The following PLEKHG6 variants were observed in gnomAD, a reference collection of about 807,000 sequenced individuals.
PLEKHG6 encodes the protein pleckstrin homology domain-containing family G member 6.
A neutral mutation model predicts 97.5 loss-of-function variants in PLEKHG6; 91 were observed. That is an observed-to-expected ratio of 0.93 (90% CI 0.79 to 1.11). PLEKHG6 has a LOEUF of 1.11. PLEKHG6 is among the 50% of genes most tolerant of loss of function. The pLI, the probability that PLEKHG6 is intolerant of heterozygous loss-of-function variation, is 0.00. For synonymous variants in PLEKHG6, 466 were observed against 425.5 expected (o/e 1.10, Z -1.17); for missense variants, 1,044 against 1,031.0 (o/e 1.01, Z -0.17).
chr12:6,328,286 C>A lies in PLEKHG6; in HGVS notation c.*141C>A. On this transcript the variant is annotated 3_prime_UTR_variant, in exon 16 of 16. Transcript: ENST00000684764. ...CCTGGCCCAGGCACCCTGCCTCCTG[C>A]TCTGTTTGGGGATCAAGAACTGTAA... The A allele has an allele frequency of 1.3e-6, 1 of 770,346 alleles. No individual in the cohort carries two copies. Among genetic ancestry groups the A allele is most frequent in the Admixed American group, 2.2e-5 (1 of 46,088 alleles). The allele number at this position is 770,346 out of a possible 1,614,324, so 47.7% of individuals were successfully genotyped here.
intron 13 of PLEKHG6, among the ~76,000 whole-genome samples, chr12:6,321,312 G>A (rs1163530999): frequency 6.6e-6 from 1 of 151,918 alleles, no homozygotes; most frequent in African/African-American, 2.4e-5. Context: ...GTGAGCCACC[G>A]TGCATAGCCC....
chr12:6,317,687 G>A lies in PLEKHG6; in HGVS notation c.1008G>A (p.Leu336=). 2 of 1,613,488 alleles carry A rather than the reference G, an allele frequency of 1.2e-6. No homozygotes were observed. Among genetic ancestry groups the A allele is most frequent in the Non-Finnish European group, 1.7e-6 (2 of 1,179,986 alleles). ...CCGAGGCACGAGCCCAAGAGGCCCT[G>A]AATGCCATGGTAGGTGCCCCAGTGG... ...RSPEARAQEA[L]NAMIEAVESF... Residue 336 remains leucine (L), a synonymous_variant, in exon 9 of 16, where the codon CTG becomes CTA. Transcript: ENST00000684764.
intron 13 of PLEKHG6, among the ~76,000 whole-genome samples, chr12:6,322,381 G>A (rs57152808): frequency 0.052 from 7,992 of 152,256 alleles, 664 homozygotes; most frequent in African/African-American, 0.17. Context: ...TCAAGTGAAA[G>A]AGGAGGACAA....
chr12:6,319,060 C>T lies in PLEKHG6; in HGVS notation c.1476C>T (p.Pro492=), dbSNP rs1246961029. Residue 492 remains proline, a synonymous_variant, in exon 13 of 16, where the codon CCC becomes CCT. Transcript: ENST00000684764. The part of the protein sequence containing the change: ...CVSSALLVHC[P]SPTDRAQWLE... ...CCAGCGCCCTCCTTGTGCACTGTCC[C>T]AGTCCTACAGACCGTGCCCAGTGGC... 6.2e-7 allele frequency: 1 copy of T among 1,613,104 alleles called. No individual in the cohort carries two copies. Among genetic ancestry groups the T allele is most frequent in the Admixed American group, 1.7e-5 (1 of 59,966 alleles).
At chr12:6,326,869 G>A (rs986822759) in intron 14 of PLEKHG6, among the ~76,000 whole-genome samples, 3 of 151,694 alleles carry the variant, frequency 2.0e-5, no homozygotes, top group African/African-American at 7.3e-5. Flanking sequence ...TGGATCTGCA[G>A]AATATTAGAG....
At chr12:6,313,371 G>A (rs1947339967) in intron 2 of PLEKHG6, among the ~76,000 whole-genome samples, 1 of 152,186 alleles carries the variant, frequency 6.6e-6, no homozygotes, top group Non-Finnish European at 1.5e-5. Flanking sequence ...TCGGCAGGAG[G>A]CCCCACTTCT....
rs4149588 is a variant in PLEKHG6, at chr12:6,328,485, C to CA, written c.*349dup. On this transcript the variant is annotated 3_prime_UTR_variant, in exon 16 of 16. Coordinates refer to ENST00000684764, the MANE Select transcript of PLEKHG6 (RefSeq NM_001384598.1). ...GCAATATAGGGAAACCCTGTCTTTA[C>CA]AAAAAAAAATTTTAAAAATTACCCA... The CA allele has an allele frequency of 0.23, 49,556 of 218,200 alleles. 6,111 individuals are homozygous for CA. Among genetic ancestry groups the CA allele is most frequent in the Middle Eastern group, 0.28 (166 of 592 alleles). 13.5% of individuals were successfully genotyped at this position (218,200 alleles called of 1,614,324 possible).
At chr12:6,317,093 C>T (rs1176772230) in intron 7 of PLEKHG6, among the ~76,000 whole-genome samples, 3 of 152,208 alleles carry the variant, frequency 2.0e-5, no homozygotes, top group African/African-American at 4.8e-5. Context: ...GGGTCAGTGT[C>T]GGGACCTCAG....
chr12:6,312,891 C>CAGG lies in PLEKHG6; in HGVS notation c.138+527_138+528insAGG. On this transcript the variant is annotated intron_variant, in intron 2 of 15. Transcript: ENST00000684764. ...GAGGGGTGTGGAAGCCAGGTCTGTC[C>CAGG]CTCAGCCTGCAGGTTTCCCCTCCAC... is the stretch of plus-strand genomic sequence containing the variant. 2.9e-6 allele frequency: 4 copies of CAGG among 1,363,762 alleles called. No homozygotes were observed. In the South Asian group the frequency reaches 6.5e-5, roughly 22 times the overall value. 84.5% of individuals were successfully genotyped at this position (1,363,762 alleles called of 1,614,324 possible).
chr12:6,312,895 A>AGG lies in PLEKHG6; in HGVS notation c.138+532_138+533insGG. The AGG allele has an allele frequency of 2.9e-6, 4 of 1,365,580 alleles. No individual in the cohort carries two copies. The South Asian group carries it at 6.5e-5, about 22-fold the overall frequency. The allele number at this position is 1,365,580 out of a possible 1,614,324, so 84.6% of individuals were successfully genotyped here. A position where few individuals can be genotyped will look rare whatever the true frequency, so the allele number is the denominator to read the frequency against. ...GGTGTGGAAGCCAGGTCTGTCCCTC[A>AGG]GCCTGCAGGTTTCCCCTCCACCTTG... On this transcript the variant is annotated intron_variant, in intron 2 of 15. Coordinates refer to ENST00000684764, the MANE Select transcript of PLEKHG6 (RefSeq NM_001384598.1).
Position 6,316,119 on chromosome 12 carries a change from C to G in PLEKHG6, c.607-136C>G. 1.0e-6 allele frequency: 1 copy of G among 959,384 alleles called. No individual in the cohort carries two copies. The highest frequency in any genetic ancestry group is 1.5e-6 in the Non-Finnish European group (1 of 656,404). The allele number at this position is 959,384 out of a possible 1,614,324, so 59.4% of individuals were successfully genotyped here. A position where few individuals can be genotyped will look rare whatever the true frequency, so the allele number is the denominator to read the frequency against. On this transcript the variant is annotated intron_variant, in intron 6 of 15. Coordinates refer to ENST00000684764, the MANE Select transcript of PLEKHG6 (RefSeq NM_001384598.1). This position sits in a 1 kb window ranked among gnomAD's most constrained non-coding sequence, Gnocchi z 4.1. ...CTCAGACTGACATCCTTGAGATCTT[C>G]CAGGCCCAGTGCCCAGTTCATCCTT...
chr12:6,321,826 TAAAAA>T lies in PLEKHG6; in HGVS notation c.1524+2730_1524+2734del, dbSNP rs57346521. On this transcript the variant is annotated intron_variant, in intron 13 of 15. Transcript: ENST00000684764. ...TGGGCGACAGAGCGAGACTCTGTCT[TAAAAA>T]AAAAAAAAAAAGAAGAGGGAAGAGA... Among the ~76,000 whole-genome samples, 60 of 97,384 alleles carry T rather than the reference TAAAAA, an allele frequency of 6.2e-4. 1 individual carries two copies. The highest frequency in any genetic ancestry group is 2.6e-3 in the African/African-American group (57 of 21,636). 63.9% of individuals were successfully genotyped at this position (97,384 alleles called of 152,430 possible). A position where few individuals can be genotyped will look rare whatever the true frequency, so the allele number is the denominator to read the frequency against.
At chr12:6,311,572 AC>A (rs1257842274) in intron 1 of PLEKHG6, among the ~76,000 whole-genome samples, 2 of 152,228 alleles carry the variant, frequency 1.3e-5, no homozygotes, top group Non-Finnish European at 2.9e-5. Context: ...GTGTTTATGG[AC>A]ACTGAATTTG....
At position 6,327,608 on chromosome 12, in the gene PLEKHG6, C is replaced by T. The variant is rs547921476; in HGVS notation, c.2025C>T (p.Ser675=). The change falls in exon 15 of 16, where the codon TCC becomes TCT. Residue 675 remains serine, a synonymous_variant. Transcript: ENST00000684764. ...GGTCTGAGGAAGAAGATGGGGCCTC[C>T]GAGCGAGGGAATGTGGTGGTGGAAA... ...PTWSEEEDGA[S]ERGNVVVETL... is the part of the protein sequence containing the mutation. 4.5e-5 allele frequency: 71 copies of T among 1,580,288 alleles called. No individual in the cohort carries two copies. Among genetic ancestry groups the T allele is most frequent in the South Asian group, 4.1e-4 (36 of 87,142 alleles).
intron 13 of PLEKHG6, among the ~76,000 whole-genome samples, chr12:6,326,042 T>C (rs895004645): frequency 2.0e-5 from 3 of 152,110 alleles, no homozygotes; most frequent in Non-Finnish European, 2.9e-5. Flanking sequence ...CACGGTGGCT[T>C]ACACGTCTAA....
In PLEKHG6 at chr12:6,313,699, C is replaced by T. The variant is rs1408602923; in HGVS notation, c.209C>T (p.Ser70Leu). The T allele has an allele frequency of 1.2e-6, 2 of 1,613,496 alleles. No homozygotes were observed. The highest frequency in any genetic ancestry group is 1.7e-6 in the Non-Finnish European group (2 of 1,179,840). Reference sequence around the variant, plus strand: ...GGTTCTGGCCAGGCCCGAGGCCTGTCACCCATGAGACTGCGAGATCCAGAG... The same window carrying T: ...GGTTCTGGCCAGGCCCGAGGCCTGTTACCCATGAGACTGCGAGATCCAGAG... ...ARGSGQARGL[S>L]PMRLRDPEPE... Residue 70 changes from serine to leucine, a missense_variant, in exon 3 of 16, where the codon TCA becomes TTA. Physicochemically the swap from Ser to Leu is moderately radical, Grantham distance 145. Coordinates refer to ENST00000684764, the MANE Select transcript of PLEKHG6 (RefSeq NM_001384598.1).
chr12:6,312,854 C>T, intron 2 of PLEKHG6: 2 of 1,308,364 alleles, frequency 1.5e-6, no homozygotes, highest in African/African-American at 1.5e-5. Context: ...CTCCTCCAGT[C>T]CTAACCAAGC....
Position 6,327,389 on chromosome 12 carries a change from C to A in PLEKHG6, c.1806C>A (p.Arg602=). The change falls in exon 15 of 16, where the codon CGC becomes CGA. Residue 602 remains arginine (R), a synonymous_variant. Coordinates refer to ENST00000684764, the MANE Select transcript of PLEKHG6 (RefSeq NM_001384598.1). ...TCCCAGGCACCCCCACGGGGTCCCGCTCCCCACTGAGCCGTCTACGCCAAA... is the reference window on the plus strand; with the variant it reads ...TCCCAGGCACCCCCACGGGGTCCCGATCCCCACTGAGCCGTCTACGCCAAA... The part of the protein sequence containing the change: ...TLIPGTPTGS[R]SPLSRLRQRA... 1 of 1,614,156 alleles carries A rather than the reference C, an allele frequency of 6.2e-7. No homozygotes were observed. The highest frequency in any genetic ancestry group is 8.5e-7 in the Non-Finnish European group (1 of 1,180,006).
rs1947476107 is a variant in PLEKHG6, at chr12:6,316,788, A to G, written c.756+384A>G. 1.3e-5 allele frequency among the ~76,000 whole-genome samples: 2 copies of G among 152,304 alleles called. No individual in the cohort carries two copies. Among genetic ancestry groups the G allele is most frequent in the Middle Eastern group, 3.4e-3 (1 of 294 alleles). ...GAGAAGAGTGACAAGAGAAAGCAAG[A>G]GGGCCTAGGATCCGACTTTCTTCTA... is the stretch of plus-strand genomic sequence containing the variant. On this transcript the variant is annotated intron_variant, in intron 7 of 15. Coordinates refer to ENST00000684764, the MANE Select transcript of PLEKHG6 (RefSeq NM_001384598.1). The surrounding 1 kb of genome is among the most constrained non-coding windows in gnomAD (Gnocchi z 4.1).
Sources: gnomAD v4.1 joint callset for allele counts (sites outside exome capture counted in the v4.1 genomes callset) on GRCh38, gnomAD v4.1.1 for gene constraint, Gnocchi (gnomAD v3.1) non-coding constraint, MANE v1.5 for transcripts, NCBI Gene and HGNC (gene_info 2026-07-23, HGNC 2026-07-21) for gene names.